The following NPIPB8 variants were observed in gnomAD, a reference collection of about 807,000 sequenced individuals.
NPIPB8 encodes the protein nuclear pore complex-interacting protein family member B8.
In NPIPB8, 3 loss-of-function variants were observed where a neutral mutation model predicts 5.3. The observed-to-expected ratio is 0.57, with a 90% CI of 0.26 to 1.47. The LOEUF is 1.47. NPIPB8 is among the 40% of genes most tolerant of loss of function. The pLI is 0.13. For missense variants in NPIPB8, 50 were observed against 50.2 expected (o/e 1.00, Z 0.01); for synonymous variants, 18 against 23.0 (o/e 0.78, Z 0.62).
chr16:28,639,457 T>G (rs182319393), intron 2 of NPIPB8, among the ~76,000 whole-genome samples: 1 of 85,312 alleles, frequency 1.2e-5, no homozygotes, highest in African/African-American at 4.4e-5. Flanking sequence ...ATATATATAT[T>G]TTTTTTTTTT....
At chr16:28,641,269 T>C (rs1466361441) in intron 2 of NPIPB8, among the ~76,000 whole-genome samples, 1 of 150,920 alleles carries the variant, frequency 6.6e-6, no homozygotes, top group Non-Finnish European at 1.5e-5. Flanking sequence ...GGACAGGGCA[T>C]CATCTGTGGG....
At chr16:28,639,434 C>A (rs1224646216) in intron 2 of NPIPB8, among the ~76,000 whole-genome samples, 3 of 94,170 alleles carry the variant, frequency 3.2e-5, no homozygotes, top group African/African-American at 1.4e-4. Context: ...CACAGACACA[C>A]ACACACACAC....
At chr16:28,640,386 G>C (rs576608654) in intron 2 of NPIPB8, among the ~76,000 whole-genome samples, 3 of 152,176 alleles carry the variant, frequency 2.0e-5, no homozygotes, top group Non-Finnish European at 2.9e-5. Flanking sequence ...TAAAGGAGCA[G>C]CCTCCATATA....
intron 5 of NPIPB8, among the ~76,000 whole-genome samples, chr16:28,652,697 C>T (rs1384511844): frequency 4.5e-5 from 5 of 110,370 alleles, no homozygotes; most frequent in Non-Finnish European, 9.8e-5. Flanking sequence ...TGCCTTTTGG[C>T]TTCAAGCAAT....
chr16:28,639,428 G>C (rs62035133), intron 2 of NPIPB8, among the ~76,000 whole-genome samples: 82 of 135,454 alleles, frequency 6.1e-4, no homozygotes, highest in Non-Finnish European at 9.8e-4. Context: ...CACACACACA[G>C]ACACACACAC....
chr16:28,640,994 G>T (rs1331285874), intron 2 of NPIPB8, among the ~76,000 whole-genome samples: 1 of 151,986 alleles, frequency 6.6e-6, no homozygotes, highest in Admixed American at 6.5e-5. Flanking sequence ...CTTTCAGATT[G>T]CACAGGTGAG....
In NPIPB8 at chr16:28,638,288, C is replaced by T. The variant is rs191472476; in HGVS notation, c.-38-35C>T. The stretch of plus-strand genomic sequence containing the variant: ...TCAAACATCACCTTGTTTTTCCACT[C>T]ATTCAACAAACTTTTTTTCTTAATT... On this transcript the variant is annotated intron_variant, in intron 1 of 7. Transcript: ENST00000683297. 3.9e-5 allele frequency: 60 copies of T among 1,539,008 alleles called. No individual in the cohort carries two copies. In the East Asian group the frequency reaches 9.4e-4, roughly 24 times the overall value.
chr16:28,643,033 G>C (rs561002446), intron 2 of NPIPB8, among the ~76,000 whole-genome samples: 1 of 152,042 alleles, frequency 6.6e-6, no homozygotes, highest in Non-Finnish European at 1.5e-5. Context: ...AAAGGTGATA[G>C]ACAGTGGGGG....
chr16:28,639,574 A>T (rs1022888811), intron 2 of NPIPB8, among the ~76,000 whole-genome samples: 1 of 129,442 alleles, frequency 7.7e-6, no homozygotes, highest in African/African-American at 2.9e-5. Context: ...CCTCTGCCTC[A>T]GCCTCTGAGT....
intron 2 of NPIPB8, among the ~76,000 whole-genome samples, chr16:28,639,343 G>C (rs1233738804): frequency 2.7e-5 from 4 of 147,856 alleles, no homozygotes; most frequent in Admixed American, 6.8e-5. Context: ...ACATTATCTT[G>C]TCTTTTAAAA....
In NPIPB8 at chr16:28,639,936, G is replaced by C. The variant is rs1006085684; in HGVS notation, c.120+1456G>C. On this transcript the variant is annotated intron_variant, in intron 2 of 7. Coordinates refer to ENST00000683297, the MANE Select transcript of NPIPB8 (RefSeq NM_001310136.2). ...ATTGACAATCAGTATGCATCATGAA[G>C]CTACATGGCTAACATTGTGTACTCA... Among the ~76,000 whole-genome samples, 5 of 150,774 alleles carry C rather than the reference G, an allele frequency of 3.3e-5. No individual in the cohort carries two copies. In the East Asian group the frequency reaches 5.8e-4, roughly 18 times the overall value.
chr16:28,639,404 C>T (rs1270650607), intron 2 of NPIPB8, among the ~76,000 whole-genome samples: 1 of 146,416 alleles, frequency 6.8e-6, no homozygotes, highest in African/African-American at 2.6e-5. Flanking sequence ...TAGATACACA[C>T]ACACACACAC....
chr16:28,642,146 C>T (rs1192554533), intron 2 of NPIPB8, among the ~76,000 whole-genome samples: 1 of 151,428 alleles, frequency 6.6e-6, no homozygotes, highest in African/African-American at 2.4e-5. Flanking sequence ...CATTCTGTCA[C>T]CCAGGCTGGA....
chr16:28,642,328 A>G (rs935248786), intron 2 of NPIPB8, among the ~76,000 whole-genome samples: 7 of 151,106 alleles, frequency 4.6e-5, no homozygotes, highest in African/African-American at 1.7e-4. Flanking sequence ...CTGGTCTCGA[A>G]CTCCTAACCT....
chr16:28,654,503 TA>T (rs2048093293), intron 5 of NPIPB8: 1 of 114,512 alleles, frequency 8.7e-6, no homozygotes. Context: ...GTGAGATCCT[TA>T]GGATCAGGAC....
At position 28,640,781 on chromosome 16, in the gene NPIPB8, G is replaced by A. The variant is rs142604345; in HGVS notation, c.120+2301G>A. Among the ~76,000 whole-genome samples, 77 of 152,280 alleles carry A rather than the reference G, an allele frequency of 5.1e-4. No individual in the cohort carries two copies. The East Asian group carries it at 6.9e-3, about 14-fold the overall frequency. On this transcript the variant is annotated intron_variant, in intron 2 of 7. Coordinates refer to ENST00000683297, the MANE Select transcript of NPIPB8 (RefSeq NM_001310136.2). ...AGACTTCAGAAAAAGCAGTTTGGTC[G>A]AATGTAATCAGCAGTGAACTCAGAA...
chr16:28,638,497 A>T lies in NPIPB8; in HGVS notation c.120+17A>T. 3.0e-6 allele frequency: 3 copies of T among 999,690 alleles called. No homozygotes were observed. The highest frequency in any genetic ancestry group is 4.2e-6 in the Non-Finnish European group (3 of 722,818). 61.9% of individuals were successfully genotyped at this position (999,690 alleles called of 1,614,324 possible). A position where few individuals can be genotyped will look rare whatever the true frequency, so the allele number is the denominator to read the frequency against. ...CTGAGGAAGGTGAGTGAGTGCAGAC[A>T]AGATGGGGCCTGGTGCCCTTGAGCA... On this transcript the variant is annotated intron_variant, in intron 2 of 7. Transcript: ENST00000683297.
chr16:28,640,290 T>G (rs1483791967), intron 2 of NPIPB8, among the ~76,000 whole-genome samples: 1 of 151,898 alleles, frequency 6.6e-6, no homozygotes. Context: ...TGTACACCAC[T>G]GAAGGCTCTT....
chr16:28,643,068 G>C (rs374827504), intron 2 of NPIPB8, among the ~76,000 whole-genome samples: 849 of 151,252 alleles, frequency 5.6e-3, no homozygotes, highest in African/African-American at 0.018. Flanking sequence ...CAGACCCCTG[G>C]GTCCTGCCCA....
Sources: gnomAD v4.1 joint callset for allele counts (sites outside exome capture counted in the v4.1 genomes callset) on GRCh38, gnomAD v4.1.1 for gene constraint, MANE v1.5 for transcripts, NCBI Gene and HGNC (gene_info 2026-07-23, HGNC 2026-07-21) for gene names.